XYLT1: variants seen among roughly 807,000 people sequenced by gnomAD.
The protein encoded by XYLT1 is xylosyltransferase 1.
XYLT1 carries 36 observed loss-of-function variants against 91.3 expected under a neutral mutation model. That is an observed-to-expected ratio of 0.39 (90% confidence interval 0.30 to 0.52). The LOEUF (loss-of-function observed/expected upper bound fraction) is 0.52. Among genes scored for constraint, XYLT1 ranks in the 20% least tolerant of loss-of-function variants. The pLI, the probability that XYLT1 is intolerant of heterozygous loss-of-function variation, is 0.68. For synonymous variants in XYLT1, 588 were observed against 532.0 expected, an observed-to-expected ratio of 1.11 and a Z score of -1.45; for missense variants, 1,242 against 1,284.5, an observed-to-expected ratio of 0.97 and a Z score of 0.51.
intron 1 of XYLT1, among the ~76,000 whole-genome samples, chr16:17,437,686 G>A (rs1341996382): frequency 6.6e-6 from 1 of 152,060 alleles, no homozygotes; most frequent in Non-Finnish European, 1.5e-5. Context: ...GAATCAGATC[G>A]CTCCTTCAAA....
intron 5 of XYLT1, among the ~76,000 whole-genome samples, chr16:17,160,698 T>C (rs947665698): frequency 1.1e-4 from 16 of 152,094 alleles, no homozygotes; most frequent in African/African-American, 3.9e-4. Flanking sequence ...ACCCCACGTG[T>C]CCCTACAATG....
At position 17,166,209 on chromosome 16, in the gene XYLT1, C is replaced by T. The variant is rs1288829361; in HGVS notation, c.1290-7300G>A. The stretch of plus-strand genomic sequence containing the variant: ...AACGGGGTCAGGGCAGAACCATCCT[C>T]TCCCATGCCTGGAGCAGCTGCTGCA... On this transcript the variant is annotated intron_variant, in intron 5 of 11. Transcript: ENST00000261381. 3.3e-5 allele frequency among the ~76,000 whole-genome samples: 5 copies of T among 152,372 alleles called. No individual in the cohort carries two copies. In the South Asian group the frequency reaches 1.0e-3, roughly 32 times the overall value.
intron 1 of XYLT1, among the ~76,000 whole-genome samples, chr16:17,454,203 A>T (rs889102823): frequency 1.3e-5 from 2 of 152,250 alleles, no homozygotes; most frequent in African/African-American, 2.4e-5. Context: ...ATGTTTGCCG[A>T]AAGAGATGTC....
At chr16:17,347,857 C>T (rs2035165954) in intron 2 of XYLT1, among the ~76,000 whole-genome samples, 1 of 152,228 alleles carries the variant, frequency 6.6e-6, no homozygotes, top group Non-Finnish European at 1.5e-5. Flanking sequence ...GGGCTGGCCA[C>T]AGCCAGGAGC....
chr16:17,196,158 C>A (rs1597184239), intron 5 of XYLT1, among the ~76,000 whole-genome samples: 1 of 152,154 alleles, frequency 6.6e-6, no homozygotes, highest in African/African-American at 2.4e-5. Flanking sequence ...TGGTGGGATG[C>A]CCCCAAGCCT....
chr16:17,159,372 A>T (rs1172399705), intron 5 of XYLT1, among the ~76,000 whole-genome samples: 1 of 151,926 alleles, frequency 6.6e-6, no homozygotes, highest in Admixed American at 6.6e-5. Context: ...TGACCACTTA[A>T]CCTAAAGTAG....
intron 2 of XYLT1, among the ~76,000 whole-genome samples, chr16:17,349,002 G>C (rs2141854056): frequency 6.6e-6 from 1 of 152,368 alleles, no homozygotes; most frequent in East Asian, 1.9e-4. Context: ...CTCAGTGGCA[G>C]CACCACGGGC....
intron 3 of XYLT1, among the ~76,000 whole-genome samples, chr16:17,233,797 A>C (rs1342640167): frequency 1.3e-5 from 2 of 152,034 alleles, no homozygotes; most frequent in East Asian, 3.9e-4. Context: ...CTACCTGCCT[A>C]CTCCAGGCAT....
At chr16:17,269,552 C>T (rs2033855888) in intron 2 of XYLT1, among the ~76,000 whole-genome samples, 1 of 152,182 alleles carries the variant, frequency 6.6e-6, no homozygotes, top group African/African-American at 2.4e-5. Flanking sequence ...AAAGTGACTG[C>T]TTTAGAAAAC....
chr16:17,346,900 T>TG (rs1452135652), intron 2 of XYLT1, among the ~76,000 whole-genome samples: 2 of 152,196 alleles, frequency 1.3e-5, no homozygotes, highest in Non-Finnish European at 2.9e-5. Context: ...AGTTCTCTTT[T>TG]GTTCAGTGGA....
chr16:17,142,520 G>A (rs1319921559), intron 6 of XYLT1, among the ~76,000 whole-genome samples: 1 of 143,942 alleles, frequency 6.9e-6, no homozygotes, highest in Non-Finnish European at 1.5e-5. Flanking sequence ...AGTAACCTCC[G>A]CTTCCTGGGT....
At chr16:17,284,340 T>C (rs2034102663) in intron 2 of XYLT1, among the ~76,000 whole-genome samples, 1 of 152,238 alleles carries the variant, frequency 6.6e-6, no homozygotes, top group African/African-American at 2.4e-5. Flanking sequence ...TACATTGTGC[T>C]AGGTGCTCAG....
chr16:17,253,220 G>C (rs2033570869), intron 3 of XYLT1, among the ~76,000 whole-genome samples: 1 of 152,190 alleles, frequency 6.6e-6, no homozygotes, highest in South Asian at 2.1e-4. Context: ...TACCCAATTA[G>C]GGTTATTTTG....
At chr16:17,187,351 G>A (rs929665103) in intron 5 of XYLT1, among the ~76,000 whole-genome samples, 2 of 131,662 alleles carry the variant, frequency 1.5e-5, no homozygotes, top group East Asian at 2.2e-4. Flanking sequence ...CCGAGATCAC[G>A]CCATTGCACT....
intron 2 of XYLT1, among the ~76,000 whole-genome samples, chr16:17,332,778 A>G (rs2141839794): frequency 6.6e-6 from 1 of 152,272 alleles, no homozygotes; most frequent in East Asian, 1.9e-4. Flanking sequence ...CCTCAAGTTC[A>G]TTCCTAGACT....
At chr16:17,186,454 C>T (rs927391570) in intron 5 of XYLT1, among the ~76,000 whole-genome samples, 1 of 147,316 alleles carries the variant, frequency 6.8e-6, no homozygotes, top group African/African-American at 2.6e-5. Flanking sequence ...GGGTGCACCA[C>T]CACACCTGGT....
At chr16:17,330,795 G>GAA (rs558088198) in intron 2 of XYLT1, among the ~76,000 whole-genome samples, 2 of 142,226 alleles carry the variant, frequency 1.4e-5, no homozygotes, top group Non-Finnish European at 3.1e-5. Flanking sequence ...CTCCCTCTCG[G>GAA]AAAAAAAAAA....
chr16:17,305,838 C>T (rs895716634), intron 2 of XYLT1, among the ~76,000 whole-genome samples: 3 of 152,150 alleles, frequency 2.0e-5, no homozygotes, highest in East Asian at 1.9e-4. Flanking sequence ...ATGTTAGAAA[C>T]AGTCAGTCCT....
intron 2 of XYLT1, among the ~76,000 whole-genome samples, chr16:17,336,452 C>T (rs1188925704): frequency 6.6e-6 from 1 of 152,156 alleles, no homozygotes; most frequent in African/African-American, 2.4e-5. Context: ...AGCCAAAAAG[C>T]AGCAGGCAGG....
Sources: allele counts gnomAD v4.1 joint callset (sites outside exome capture counted in the v4.1 genomes callset), GRCh38; gene constraint gnomAD v4.1.1; transcripts MANE v1.5; gene names NCBI Gene and HGNC (gene_info 2026-07-23, HGNC 2026-07-21).